ETFDH: variants seen among roughly 807,000 people sequenced by gnomAD.
The protein encoded by ETFDH is electron transfer flavoprotein-ubiquinone oxidoreductase, mitochondrial.
A neutral mutation model predicts 73.2 loss-of-function variants in ETFDH; 61 were observed. The observed-to-expected ratio is 0.83, with a 90% CI of 0.68 to 1.03. The LOEUF (loss-of-function observed/expected upper bound fraction) is 1.03, where lower values mean the gene tolerates loss of function less well. ETFDH is among the 50% of genes least tolerant of loss of function. The pLI, the probability that ETFDH is intolerant of heterozygous loss-of-function variation, is 0.00. For missense variants in ETFDH, 685 were observed against 745.0 expected (o/e 0.92, Z 0.94); for synonymous variants, 243 against 253.3 (o/e 0.96, Z 0.39).
chr4:158,690,465 A>G (rs750956398), intron 6 of ETFDH, 40 bp downstream of exon 6: 4 of 1,148,822 alleles, frequency 3.5e-6, no homozygotes, highest in East Asian at 4.7e-5. Context: ...TAAAGCGACA[A>G]ACAACAGAAA....
chr4:158,679,588 C>G (rs1427639101), intron 1 of ETFDH: 1 of 152,110 alleles, frequency 6.6e-6, no homozygotes, highest in Non-Finnish European at 1.5e-5. Flanking sequence ...CATCTAATTG[C>G]TTCTGTCTTT....
chr4:158,708,356 C>T lies in ETFDH; in HGVS notation c.1691-8C>T, dbSNP rs1317435289. ...GGCACTTCAATATTATTTATTTTTACTTTTCAGGAGTTTATGAATTTGTAC... is the reference window on the plus strand; with the variant it reads ...GGCACTTCAATATTATTTATTTTTATTTTTCAGGAGTTTATGAATTTGTAC... On this transcript the variant is annotated splice_region_variant and splice_polypyrimidine_tract_variant and intron_variant, in intron 12 of 12. Coordinates refer to ENST00000511912, the MANE Select transcript of ETFDH (RefSeq NM_004453.4). 1 of 1,604,764 alleles carries T rather than the reference C, an allele frequency of 6.2e-7. No individual in the cohort carries two copies. Among genetic ancestry groups the T allele is most frequent in the Non-Finnish European group, 8.5e-7 (1 of 1,172,552 alleles).
rs121964954 is a variant in ETFDH, at chr4:158,682,269, G to A, written c.250G>A (p.Ala84Thr). The A allele has an allele frequency of 4.9e-5, 79 of 1,614,172 alleles. No homozygotes were observed. In the East Asian group the frequency reaches 7.6e-4, roughly 15 times the overall value. ...VGAGPAGLSA[A>T]VRLKQLAVAH... ...TGCAGGCCCTGCAGGGCTCTCTGCA[G>A]CTGTTCGTCTAAAACAGTTGGCTGT... is the stretch of plus-strand genomic sequence containing the variant. Residue 84 changes from alanine (A) to threonine (T), a missense_variant, in exon 3 of 13, where the codon GCT (alanine) becomes ACT (threonine). Ala to Thr is a moderately conservative substitution (Grantham distance 58, BLOSUM62 0). Around this residue, in one of 3 missense-constraint regions of ETFDH, gnomAD observed 405 missense variants for 399.3 expected, o/e 1.01. Transcript: ENST00000511912.
intron 6 of ETFDH, among the ~76,000 whole-genome samples, chr4:158,694,838 T>C (rs1214259019): frequency 6.6e-6 from 1 of 152,122 alleles, no homozygotes; most frequent in Non-Finnish European, 1.5e-5. Flanking sequence ...ATCTATCTTA[T>C]AGGAATAAAA....
intron 7 of ETFDH, among the ~76,000 whole-genome samples, chr4:158,695,871 T>A (rs778084436): frequency 3.9e-5 from 6 of 152,246 alleles, no homozygotes; most frequent in Non-Finnish European, 7.3e-5. Flanking sequence ...AATTGTCGTA[T>A]CAAGTGTTGC....
At chr4:158,680,655 GT>G (rs1561237226) in intron 2 of ETFDH, 48 bp downstream of exon 2, 1 of 1,501,662 alleles carries the variant, frequency 6.7e-7, no homozygotes, top group Non-Finnish European at 9.3e-7. Context: ...TGGATACTTT[GT>G]TTTCATTTTG....
chr4:158,706,525 A>T lies in ETFDH; in HGVS notation c.1469-104A>T, dbSNP rs186405329. ...ATATTATTACTTGAGGGCTAGTCAT[A>T]TTTCTTTGGTGTGATAATATTTTGA... On this transcript the variant is annotated intron_variant, in intron 11 of 12. Coordinates refer to ENST00000511912, the MANE Select transcript of ETFDH (RefSeq NM_004453.4). 3.3e-4 allele frequency: 374 copies of T among 1,126,076 alleles called. 2 individuals are homozygous for T. The highest frequency in any genetic ancestry group is 1.6e-3 in the Admixed American group (93 of 58,806). The allele number at this position is 1,126,076 out of a possible 1,614,324, so 69.8% of individuals were successfully genotyped here. A position where few individuals can be genotyped will look rare whatever the true frequency, so the allele number is the denominator to read the frequency against.
chr4:158,705,590 G>C (rs1311786085), intron 10 of ETFDH, among the ~76,000 whole-genome samples: 1 of 152,146 alleles, frequency 6.6e-6, no homozygotes, highest in Non-Finnish European at 1.5e-5. Context: ...CAGGTAGCAT[G>C]AACTTTTTAT....
At chr4:158,685,034 G>T (rs1421920236) in intron 4 of ETFDH, 67 bp from the exon 5 acceptor site, 1 of 915,844 alleles carries the variant, frequency 1.1e-6, no homozygotes, top group Non-Finnish European at 1.8e-6. Flanking sequence ...AAATTTTAAA[G>T]TATTTATGTT....
rs1408558600 is a variant in ETFDH at position 158,682,145 on chromosome 4, A to G, written c.176-50A>G. On this transcript the variant is annotated intron_variant, in intron 2 of 12. Transcript: ENST00000511912. ...ATATTTTTTAACTGTCATGTGATTT[A>G]TCATGTGATTATTGGGTTATATTAA... 3 of 1,611,094 alleles carry G rather than the reference A, an allele frequency of 1.9e-6. No individual in the cohort carries two copies. In the African/African-American group the frequency reaches 4.0e-5, roughly 22 times the overall value.
intron 3 of ETFDH, among the ~76,000 whole-genome samples, chr4:158,683,869 A>G (rs978788353): frequency 6.6e-6 from 1 of 152,144 alleles, no homozygotes; most frequent in African/African-American, 2.4e-5. Flanking sequence ...GGTGCCTTTT[A>G]ATATGTATAG....
intron 7 of ETFDH, among the ~76,000 whole-genome samples, chr4:158,696,324 A>G (rs1005343610): frequency 2.0e-5 from 3 of 152,118 alleles, no homozygotes; most frequent in African/African-American, 7.2e-5. Flanking sequence ...TGGGCAATGT[A>G]GTGAGACCTC....
Position 158,703,504 on chromosome 4 carries a change from A to G in ETFDH, c.1198A>G (p.Thr400Ala), listed in dbSNP as rs1400350320. ...GFMNVPKIKG[T>A]HTAMKSGILA... ...TATGAATGTTCCCAAGATCAAAGGT[A>G]CTCACACAGCAATGAAAAGTGGAAT... is the stretch of plus-strand genomic sequence containing the variant. Residue 400 changes from threonine (T) to alanine (A), a missense_variant, in exon 10 of 13, where the codon ACT becomes GCT. This residue lies in a region of ETFDH where 79 missense variants were observed against 120.5 expected (regional missense o/e 0.66). Coordinates refer to ENST00000511912, the MANE Select transcript of ETFDH (RefSeq NM_004453.4). The G allele has an allele frequency of 1.2e-6, 2 of 1,606,914 alleles. No homozygotes were observed. Among genetic ancestry groups the G allele is most frequent in the African/African-American group, 1.3e-5 (1 of 74,744 alleles).
In ETFDH at chr4:158,709,019, T is replaced by TTGTGTGGGTGTGTGTG. The variant is rs1774721662; in HGVS notation, c.*498_*499insGGTGTGTGTGTGTGTG. 6.7e-6 allele frequency: 1 copy of TTGTGTGGGTGTGTGTG among 150,336 alleles called. No individual in the cohort carries two copies. Among genetic ancestry groups the TTGTGTGGGTGTGTGTG allele is most frequent in the Non-Finnish European group, 1.4e-5 (1 of 69,968 alleles). 9.3% of individuals were successfully genotyped at this position (150,336 alleles called of 1,614,324 possible). On this transcript the variant is annotated 3_prime_UTR_variant, in exon 13 of 13. Transcript: ENST00000511912. ...GAAGTATGCCCATCCCTGAACAAGT[T>TTGTGTGGGTGTGTGTG]TGTGTGTGTGTGTGTGTGTGTGTGT...
intron 12 of ETFDH, among the ~76,000 whole-genome samples, 177 bp downstream of exon 12, chr4:158,707,027 A>G (rs1774642527): frequency 6.6e-6 from 1 of 151,520 alleles, no homozygotes; most frequent in Non-Finnish European, 1.5e-5. Context: ...CCTAGTTCAG[A>G]TAACATTTCT....
rs1774287499 is a variant in ETFDH at position 158,695,591 on chromosome 4, T to C, written c.779T>C (p.Phe260Ser). 2 of 1,612,366 alleles carry C rather than the reference T, an allele frequency of 1.2e-6. No individual in the cohort carries two copies. The highest frequency in any genetic ancestry group is 1.7e-6 in the Non-Finnish European group (2 of 1,178,454). The change falls in exon 7 of 13, where the codon TTT (phenylalanine) becomes TCT (serine). Residue 260 changes from phenylalanine (F) to serine (S), a missense_variant. By Grantham distance (155) the Phe-to-Ser change is radical. Around this residue, in one of 3 missense-constraint regions of ETFDH, gnomAD observed 405 missense variants for 399.3 expected, o/e 1.01. Transcript: ENST00000511912. ...CTAGCCAAGCAACTATATAAGAAGT[T>C]TGATTTGAGAGCAAATTGTGAACCT... ...GHLAKQLYKK[F>S]DLRANCEPQT...
intron 4 of ETFDH, 23 bp downstream of exon 4, chr4:158,684,696 A>G (rs773256569): frequency 5.0e-6 from 6 of 1,210,750 alleles, no homozygotes; most frequent in Non-Finnish European, 7.4e-6. Flanking sequence ...GAATATGCAT[A>G]GAACTATGGA....
chr4:158,682,487 C>T (rs1773889659), intron 3 of ETFDH, 63 bp downstream of exon 3: 1 of 1,278,210 alleles, frequency 7.8e-7, no homozygotes, highest in South Asian at 1.2e-5. Context: ...GTAATTGTTC[C>T]CAAATTACTG....
intron 7 of ETFDH, among the ~76,000 whole-genome samples, 174 bp from the exon 8 acceptor site, chr4:158,697,385 G>A (rs528310534): frequency 2.6e-5 from 4 of 152,130 alleles, no homozygotes; most frequent in Non-Finnish European, 2.9e-5. Flanking sequence ...GTGAGCCACC[G>A]TGCCCAGCCT....
Sources: allele counts gnomAD v4.1 joint callset (sites outside exome capture counted in the v4.1 genomes callset), GRCh38; gene constraint gnomAD v4.1.1; regional missense constraint gnomAD v4.1.1; transcripts MANE v1.5; gene names NCBI Gene and HGNC (gene_info 2026-07-23, HGNC 2026-07-21).